KALRN: variants seen among roughly 807,000 people sequenced by gnomAD.
KALRN encodes the protein kalirin.
In KALRN, 70 loss-of-function variants were observed where a neutral mutation model predicts 353.7. The ratio of observed to expected loss-of-function variants is 0.20; its 90% CI spans 0.16 to 0.24. KALRN has a LOEUF of 0.24. Among genes scored for constraint, KALRN ranks in the 10% least tolerant of loss-of-function variants. The probability of loss-of-function intolerance (pLI) is 1.00; values close to 1 mark genes in which losing one functional copy is unlikely to be tolerated. For missense variants in KALRN, 2,791 were observed against 3,756.7 expected (o/e 0.74, Z 6.72); for synonymous variants, 1,391 against 1,434.8 (o/e 0.97, Z 0.69).
intron 1 of KALRN, among the ~76,000 whole-genome samples, chr3:124,086,309 T>TTG (rs59443298): frequency 0.32 from 45,455 of 141,384 alleles, 7,579 homozygotes; most frequent in Non-Finnish European, 0.41. Context: ...GGTTGTTTTG[T>TTG]TGTGTGTGTG....
chr3:124,398,912 A>G (rs955284732), intron 13 of KALRN, 41 bp downstream of exon 13: 9 of 1,560,346 alleles, frequency 5.8e-6, no homozygotes, highest in Non-Finnish European at 7.8e-6. Flanking sequence ...GGGGCCAAGA[A>G]GTGCTTCCTG....
intron 41 of KALRN, 148 bp from the exon 42 acceptor site, chr3:124,658,283 A>G: frequency 6.1e-6 from 4 of 659,028 alleles, no homozygotes; most frequent in Non-Finnish European, 8.1e-6. Context: ...CTTGCCCACC[A>G]CATTTATATC....
intron 36 of KALRN, among the ~76,000 whole-genome samples, chr3:124,635,890 T>C (rs923175290): frequency 6.6e-6 from 1 of 152,202 alleles, no homozygotes; most frequent in Non-Finnish European, 1.5e-5. Flanking sequence ...GGGGACATCC[T>C]AACAGGGTGT....
intron 1 of KALRN, chr3:124,152,903 C>T (rs114402053): frequency 0.011 from 2,062 of 179,544 alleles, 18 homozygotes; most frequent in Non-Finnish European, 0.017. Context: ...GTGTGAGCCA[C>T]TGCACCTGGC....
intron 1 of KALRN, among the ~76,000 whole-genome samples, chr3:124,109,502 A>G (rs2062635274): frequency 6.6e-6 from 1 of 151,928 alleles, no homozygotes; most frequent in Non-Finnish European, 1.5e-5. Context: ...TTTCAAGCTT[A>G]TCTTTTGTTT....
chr3:124,156,022 A>C (rs1227160029), intron 1 of KALRN, among the ~76,000 whole-genome samples: 1 of 152,192 alleles, frequency 6.6e-6, no homozygotes, highest in Non-Finnish European at 1.5e-5. Context: ...ACACCCATCC[A>C]AGGGCCCCAT....
intron 1 of KALRN, among the ~76,000 whole-genome samples, chr3:124,184,154 C>G (rs1160023282): frequency 6.6e-6 from 1 of 152,198 alleles, no homozygotes; most frequent in Admixed American, 6.5e-5. Flanking sequence ...AGTGTGAGCA[C>G]TTTGGCTCTA....
chr3:124,543,520 C>G (rs1226365191), intron 33 of KALRN, among the ~76,000 whole-genome samples: 2 of 152,086 alleles, frequency 1.3e-5, no homozygotes, highest in Non-Finnish European at 2.9e-5. Flanking sequence ...CCAGGATAGT[C>G]TCGATCTCCT....
At chr3:124,449,488 C>T (rs539141376) in intron 21 of KALRN, among the ~76,000 whole-genome samples, 12 of 152,130 alleles carry the variant, frequency 7.9e-5, no homozygotes, top group African/African-American at 1.9e-4. Flanking sequence ...TCAAGGCACA[C>T]GGAGATGGGG....
At chr3:124,518,889 T>C (rs769895279) in intron 33 of KALRN, 88 of 1,017,846 alleles carry the variant, frequency 8.6e-5, no homozygotes, top group Non-Finnish European at 9.9e-5. Context: ...AGGCTGAACA[T>C]TTCTATTATC....
chr3:124,111,298 A>G (rs1358320587), intron 1 of KALRN, among the ~76,000 whole-genome samples: 14 of 152,208 alleles, frequency 9.2e-5, no homozygotes, highest in Admixed American at 2.0e-4. Flanking sequence ...CTTCATGCAT[A>G]TATTTTAAAG....
intron 8 of KALRN, among the ~76,000 whole-genome samples, chr3:124,330,727 GGAGA>G (rs2080462898): frequency 6.6e-6 from 1 of 152,226 alleles, no homozygotes; most frequent in Admixed American, 6.5e-5. Context: ...ACTGAGGGAT[GGAGA>G]GAGATGGGCT....
At chr3:124,472,414 G>T (rs1471002376) in intron 25 of KALRN, among the ~76,000 whole-genome samples, 1 of 152,174 alleles carries the variant, frequency 6.6e-6, no homozygotes, top group Admixed American at 6.5e-5. Flanking sequence ...CCCAGGCTGG[G>T]CACGGTGGCT....
intron 10 of KALRN, among the ~76,000 whole-genome samples, chr3:124,348,728 A>AT (rs917914158): frequency 2.6e-5 from 4 of 151,664 alleles, no homozygotes; most frequent in South Asian, 4.2e-4. Context: ...ACTCAAACAG[A>AT]TTTTTTTTTG....
chr3:124,636,882 C>T (rs942901326), intron 36 of KALRN, among the ~76,000 whole-genome samples: 1 of 152,192 alleles, frequency 6.6e-6, no homozygotes, highest in Non-Finnish European at 1.5e-5. Flanking sequence ...TAGCCCCCGC[C>T]CTCCAAGCTG....
Position 124,234,992 on chromosome 3 carries a change from T to A in KALRN, c.263+49T>A, listed in dbSNP as rs1033151948. On this transcript the variant is annotated intron_variant, in intron 3 of 59. Transcript: ENST00000682506. ...CAGGGGAGCGGGAGGGGAGCTGGGCTGATGCCAGTTTTGGAAGGAGCCTCC... is the reference window on the plus strand; with the variant it reads ...CAGGGGAGCGGGAGGGGAGCTGGGCAGATGCCAGTTTTGGAAGGAGCCTCC... 5.8e-6 allele frequency: 8 copies of A among 1,379,228 alleles called. No homozygotes were observed. In the African/African-American group the frequency reaches 1.1e-4, roughly 20 times the overall value. 85.4% of individuals were successfully genotyped at this position (1,379,228 alleles called of 1,614,324 possible). A position where few individuals can be genotyped will look rare whatever the true frequency, so the allele number is the denominator to read the frequency against.
At chr3:124,078,393 A>G (rs2060366861) in intron 1 of KALRN, among the ~76,000 whole-genome samples, 2 of 152,242 alleles carry the variant, frequency 1.3e-5, no homozygotes, top group Admixed American at 1.3e-4. Flanking sequence ...TATTTATAAT[A>G]GCCTCATGGA....
At chr3:124,342,425 C>G (rs2081851594) in intron 9 of KALRN, among the ~76,000 whole-genome samples, 1 of 152,160 alleles carries the variant, frequency 6.6e-6, no homozygotes, top group Non-Finnish European at 1.5e-5. Context: ...TCTTTCTGTA[C>G]TTGACTTGTT....
At chr3:124,713,243 G>T in intron 58 of KALRN, 108 bp downstream of exon 58, 1 of 829,856 alleles carries the variant, frequency 1.2e-6, no homozygotes, top group African/African-American at 1.7e-5. Flanking sequence ...CCTATCATTT[G>T]CAAAGTGCTG....
Sources: gnomAD v4.1 joint callset for allele counts (sites outside exome capture counted in the v4.1 genomes callset) on GRCh38, gnomAD v4.1.1 for gene constraint, MANE v1.5 for transcripts, NCBI Gene and HGNC (gene_info 2026-07-23, HGNC 2026-07-21) for gene names.